TYW1B: variants seen among roughly 807,000 people sequenced by gnomAD.
TYW1B encodes the protein tRNA-yW synthesizing protein 1 homolog B.
Under a neutral mutation model 86.9 loss-of-function variants are expected in TYW1B, and 73 were observed. The observed-to-expected ratio is 0.84, with a 90% CI of 0.70 to 1.02. The LOEUF (loss-of-function observed/expected upper bound fraction) is 1.02, where lower values mean the gene tolerates loss of function less well. TYW1B is among the 50% of genes least tolerant of loss of function. TYW1B has a pLI of 0.00. For missense variants in TYW1B, 637 were observed against 827.4 expected, an observed-to-expected ratio of 0.77 and a Z score of 2.82; for synonymous variants, 248 against 292.8, an observed-to-expected ratio of 0.85 and a Z score of 1.56.
intron 11 of TYW1B, among the ~76,000 whole-genome samples, chr7:72,630,125 A>G (rs1812446843): frequency 6.6e-6 from 1 of 152,050 alleles, no homozygotes; most frequent in South Asian, 2.1e-4. Flanking sequence ...CTAAAAATAC[A>G]AAAATGAGCC....
chr7:72,827,245 T>TA (rs2129573028), intron 1 of TYW1B, among the ~76,000 whole-genome samples: 1 of 152,158 alleles, frequency 6.6e-6, no homozygotes, highest in African/African-American at 2.4e-5. Flanking sequence ...CCGCCTCTAC[T>TA]AAAAATACAA....
chr7:72,692,345 T>C (rs1458507543), intron 11 of TYW1B, among the ~76,000 whole-genome samples: 1 of 151,350 alleles, frequency 6.6e-6, no homozygotes, highest in Non-Finnish European at 1.5e-5. Flanking sequence ...AGACTGTCTC[T>C]ACAAAAAAAA....
chr7:72,584,255 G>GGAT, intron 13 of TYW1B, among the ~76,000 whole-genome samples: 1 of 152,248 alleles, frequency 6.6e-6, no homozygotes, highest in East Asian at 1.9e-4. Context: ...ATGCAGCCCA[G>GGAT]GATGGTCTTG....
chr7:72,626,192 C>CA (rs1354700800), intron 12 of TYW1B, among the ~76,000 whole-genome samples: 7 of 151,166 alleles, frequency 4.6e-5, no homozygotes, highest in Non-Finnish European at 7.4e-5. Context: ...GTTACGTACT[C>CA]AGACAGCAGT....
At chr7:72,621,311 C>T (rs1238809286) in intron 12 of TYW1B, among the ~76,000 whole-genome samples, 1 of 151,980 alleles carries the variant, frequency 6.6e-6, no homozygotes, top group African/African-American at 2.4e-5. Flanking sequence ...TTTTTTTTCC[C>T]CACAATAAAC....
At chr7:72,596,856 A>G (rs1203984325) in intron 13 of TYW1B, among the ~76,000 whole-genome samples, 15 of 151,976 alleles carry the variant, frequency 9.9e-5, no homozygotes, top group Non-Finnish European at 2.9e-5. Context: ...ATGGGGAAAA[A>G]AATTGCAAAT....
chr7:72,685,228 A>G (rs1282480886), intron 11 of TYW1B, among the ~76,000 whole-genome samples: 1 of 152,184 alleles, frequency 6.6e-6, no homozygotes, highest in Non-Finnish European at 1.5e-5. Flanking sequence ...CCTATATTAC[A>G]AACTCTAGGG....
chr7:72,633,590 CCTGA>C (rs1221710175), intron 11 of TYW1B, among the ~76,000 whole-genome samples: 4 of 152,236 alleles, frequency 2.6e-5, no homozygotes, highest in African/African-American at 9.6e-5. Flanking sequence ...ACTCCCTTCA[CCTGA>C]CTAATATCTA....
rs13235562 is a variant in TYW1B, at chr7:72,649,613, T to C, written c.1507-20616A>G. On this transcript the variant is annotated intron_variant, in intron 11 of 13. Transcript: ENST00000620995. ...ATCAAATACAAATGAATAGAAATAA[T>C]TGGACTCCATGTGTGCAGAAGACAG... Among the ~76,000 whole-genome samples, 11 of 152,258 alleles carry C rather than the reference T, an allele frequency of 7.2e-5. No individual in the cohort carries two copies. The East Asian group carries it at 1.5e-3, about 21-fold the overall frequency.
At chr7:72,612,415 A>G (rs56404903) in intron 13 of TYW1B, among the ~76,000 whole-genome samples, 3,239 of 152,262 alleles carry the variant, frequency 0.021, 116 homozygotes, top group African/African-American at 0.073. Flanking sequence ...AAAAATCACT[A>G]TTTTACAATC....
At chr7:72,630,153 C>T (rs1812448130) in intron 11 of TYW1B, among the ~76,000 whole-genome samples, 1 of 152,076 alleles carries the variant, frequency 6.6e-6, no homozygotes, top group African/African-American at 2.4e-5. Flanking sequence ...GCGGCGTGCA[C>T]CTGTAATCCC....
At chr7:72,781,364 C>G (rs1333636814) in intron 6 of TYW1B, among the ~76,000 whole-genome samples, 7 of 152,124 alleles carry the variant, frequency 4.6e-5, no homozygotes, top group African/African-American at 1.7e-4. Flanking sequence ...CCAATCAAAT[C>G]ACACCTCCTG....
intron 11 of TYW1B, among the ~76,000 whole-genome samples, chr7:72,645,018 GC>G (rs1812893639): frequency 6.6e-6 from 1 of 152,038 alleles, no homozygotes; most frequent in African/African-American, 2.4e-5. Context: ...TAGTAGAGAT[GC>G]GGTTTCACCG....
chr7:72,711,655 G>GTA (rs1363633492), intron 10 of TYW1B, among the ~76,000 whole-genome samples: 2 of 150,098 alleles, frequency 1.3e-5, no homozygotes, highest in African/African-American at 4.9e-5. Flanking sequence ...ATTATTATTT[G>GTA]TATTTGTATT....
chr7:72,610,344 C>T (rs776065003), intron 13 of TYW1B, among the ~76,000 whole-genome samples: 19 of 152,214 alleles, frequency 1.2e-4, no homozygotes, highest in Admixed American at 6.5e-4. Context: ...TTCTTCCTGA[C>T]GTCACCGAGT....
chr7:72,756,755 C>G (rs1442728850), intron 7 of TYW1B, among the ~76,000 whole-genome samples: 2 of 151,958 alleles, frequency 1.3e-5, no homozygotes, highest in African/African-American at 4.8e-5. Context: ...GATAAAGAGC[C>G]CTTAGCCAGA....
intron 10 of TYW1B, among the ~76,000 whole-genome samples, chr7:72,696,768 A>G (rs1201910555): frequency 3.9e-5 from 6 of 152,146 alleles, no homozygotes; most frequent in African/African-American, 1.4e-4. Flanking sequence ...CACTTCTGTT[A>G]AAAGTGGAGA....
At chr7:72,740,888 G>A (rs1323670111) in intron 8 of TYW1B, among the ~76,000 whole-genome samples, 2 of 151,376 alleles carry the variant, frequency 1.3e-5, no homozygotes, top group African/African-American at 4.9e-5. Flanking sequence ...CCACCACCAC[G>A]CCTGGCTAAT....
intron 8 of TYW1B, among the ~76,000 whole-genome samples, chr7:72,730,531 C>CA (rs531215725): frequency 2.7e-4 from 21 of 78,804 alleles, no homozygotes; most frequent in South Asian, 1.3e-3. Flanking sequence ...CCAGTCAGAC[C>CA]AAAAAAAAAA....
Sources: gnomAD v4.1 joint callset for allele counts (sites outside exome capture counted in the v4.1 genomes callset) on GRCh38, gnomAD v4.1.1 for gene constraint, MANE v1.5 for transcripts, NCBI Gene and HGNC (gene_info 2026-07-23, HGNC 2026-07-21) for gene names.